The following FLYWCH1 variants were observed in gnomAD, a reference collection of about 807,000 sequenced individuals.
FLYWCH1 encodes the protein FLYWCH-type zinc finger-containing protein 1.
In FLYWCH1, 75 loss-of-function variants were observed where a neutral mutation model predicts 66.4. That is an observed-to-expected ratio of 1.13 (90% CI 0.94 to 1.37). The LOEUF is 1.37. Among genes scored for constraint, FLYWCH1 ranks in the 40% most tolerant of loss-of-function variants. The pLI, the probability that FLYWCH1 is intolerant of heterozygous loss-of-function variation, is 0.00. For missense variants in FLYWCH1, 1,334 were observed against 1,001.8 expected (o/e 1.33, Z -4.48); for synonymous variants, 595 against 429.9 (o/e 1.38, Z -4.75).
Position 2,940,038 on chromosome 16 carries a change from T to A in FLYWCH1, c.2057T>A (p.Ile686Asn), listed in dbSNP as rs1166365070. ...TTAQQEDPEK[I>N]QVQLCFKTCS... is the part of the protein sequence containing the mutation. Reference sequence around the variant, plus strand: ...TTCAATTATTTTTCCACAGAAAAGATTCAAGTTCAGCTGTGCTTCAAGACG... The same window carrying A: ...TTCAATTATTTTTCCACAGAAAAGAATCAAGTTCAGCTGTGCTTCAAGACG... Residue 686 changes from isoleucine (I) to asparagine (N), a missense_variant, in exon 9 of 10, where the codon ATT (isoleucine) becomes AAT (asparagine). By Grantham distance (149) the Ile-to-Asn change is moderately radical (BLOSUM62 -3). Coordinates refer to ENST00000253928, the MANE Select transcript of FLYWCH1 (RefSeq NM_001308068.2). 6.3e-7 allele frequency: 1 copy of A among 1,599,604 alleles called. No individual in the cohort carries two copies. Among genetic ancestry groups the A allele is most frequent in the African/African-American group, 1.3e-5 (1 of 74,788 alleles).
chr16:2,947,446 A>C (rs1405511550), intron 9 of FLYWCH1, among the ~76,000 whole-genome samples: 1 of 152,144 alleles, frequency 6.6e-6, no homozygotes, highest in Non-Finnish European at 1.5e-5. Context: ...TGTGAATTAT[A>C]GCTCAGTAGA....
intron 6 of FLYWCH1, chr16:2,936,201 G>A (rs966493245): frequency 4.1e-5 from 14 of 345,566 alleles, no homozygotes; most frequent in African/African-American, 1.3e-4. Context: ...GTGAGCCACC[G>A]TGCGCAGCCC....
At position 2,938,891 on chromosome 16, in the gene FLYWCH1, C is replaced by T. The variant is rs561141284; in HGVS notation, c.2050+435C>T. ...CCTCCCAAAGTGCTAGGATTACAGG[C>T]GTGAGTCACTGTGCCCAACCTTTTT... On this transcript the variant is annotated intron_variant, in intron 8 of 9. Transcript: ENST00000253928. Among the ~76,000 whole-genome samples the T allele has an allele frequency of 8.3e-4, 125 of 149,996 alleles. No homozygotes were observed. The Middle Eastern group carries it at 0.01, about 12-fold the overall frequency.
chr16:2,939,537 C>CTTGT (rs758092943), intron 8 of FLYWCH1, among the ~76,000 whole-genome samples: 1 of 78,060 alleles, frequency 1.3e-5, no homozygotes, highest in African/African-American at 4.9e-5. Context: ...ATGGTGAAAC[C>CTTGT]CTGTCTCTAA....
intron 9 of FLYWCH1, among the ~76,000 whole-genome samples, chr16:2,942,720 CTTTTT>C (rs34247000): frequency 3.3e-4 from 27 of 82,788 alleles, no homozygotes; most frequent in Non-Finnish European, 5.4e-4. Flanking sequence ...CATCTGGGAA[CTTTTT>C]TTTTTTTTTT....
chr16:2,944,258 A>G (rs568546139), intron 9 of FLYWCH1, among the ~76,000 whole-genome samples: 1 of 149,038 alleles, frequency 6.7e-6, no homozygotes, highest in African/African-American at 2.5e-5. Flanking sequence ...CTACAGGTAC[A>G]GCGCACCTGT....
chr16:2,915,857 A>G (rs1220389264), intron 2 of FLYWCH1, among the ~76,000 whole-genome samples: 1 of 152,172 alleles, frequency 6.6e-6, no homozygotes, highest in Non-Finnish European at 1.5e-5. Flanking sequence ...TAGATCAGGA[A>G]TATTGAAATG....
chr16:2,925,584 G>GGC (rs1555483238), intron 2 of FLYWCH1, among the ~76,000 whole-genome samples: 4 of 141,244 alleles, frequency 2.8e-5, no homozygotes, highest in Non-Finnish European at 6.3e-5. Context: ...CGGGGGGAGG[G>GGC]GGGTACGGGG....
intron 6 of FLYWCH1, chr16:2,936,527 C>T (rs115889397): frequency 8.8e-4 from 397 of 453,632 alleles, no homozygotes; most frequent in African/African-American, 7.0e-3. Flanking sequence ...GATGTGTCCA[C>T]GATGCCCCAG....
At chr16:2,925,004 C>G (rs1454994365) in intron 2 of FLYWCH1, among the ~76,000 whole-genome samples, 1 of 152,228 alleles carries the variant, frequency 6.6e-6, no homozygotes, top group African/African-American at 2.4e-5. Flanking sequence ...CCAAGCTTGA[C>G]GCAGTCCCCA....
In FLYWCH1 at chr16:2,933,149, G is replaced by T; in HGVS notation, c.816G>T (p.Glu272Asp). 6.2e-7 allele frequency: 1 copy of T among 1,613,608 alleles called. No individual in the cohort carries two copies. The highest frequency in any genetic ancestry group is 8.5e-7 in the Non-Finnish European group (1 of 1,179,800). The change falls in exon 5 of 10, where the codon GAG (glutamate) becomes GAT (aspartate). Residue 272 changes from glutamate to aspartate, a missense_variant. Coordinates refer to ENST00000253928, the MANE Select transcript of FLYWCH1 (RefSeq NM_001308068.2). ...CTCTAGGACAGGCCCGGCCCCTCGA[G>T]TTCCTGAGGACGTGCTACGGGGGCA... ...ILGLGQARPL[E>D]FLRTCYGGSF...
rs746049171 is a variant in FLYWCH1, at chr16:2,933,968, G to T, written c.1502G>T (p.Arg501Leu). Residue 501 changes from arginine to leucine, a missense_variant, in exon 6 of 10, where the codon CGG becomes CTG. Transcript: ENST00000253928. ...GAGAAACGCCCCAACACGGCGCAGC[G>T]GGGGAGCCCAGGTACCTGGGGGTGG... ...QREKRPNTAQ[R>L]GSPGGPEFLK... The T allele has an allele frequency of 6.5e-7, 1 of 1,537,744 alleles. No homozygotes were observed. The highest frequency in any genetic ancestry group is 2.4e-5 in the East Asian group (1 of 41,048).
At position 2,933,909 on chromosome 16, in the gene FLYWCH1, C is replaced by T. The variant is rs377331687; in HGVS notation, c.1443C>T (p.Pro481=). ...TCATGCGTGGTCACTGCCACCCGCCCGACCTGGGAGGCCTGGAGGCCCTGA... is the reference window on the plus strand; with the variant it reads ...TCATGCGTGGTCACTGCCACCCGCCTGACCTGGGAGGCCTGGAGGCCCTGA... ...VTVMRGHCHP[P]DLGGLEALRQ... The change falls in exon 6 of 10, where the codon CCC becomes CCT. Residue 481 remains proline (P), a synonymous_variant. Transcript: ENST00000253928. 652 of 1,577,374 alleles carry T rather than the reference C, an allele frequency of 4.1e-4. 1 individual carries two copies. The highest frequency in any genetic ancestry group is 8.8e-4 in the Middle Eastern group (5 of 5,678).
chr16:2,948,215 G>A (rs995971626), intron 9 of FLYWCH1, among the ~76,000 whole-genome samples: 3 of 152,044 alleles, frequency 2.0e-5, no homozygotes, highest in Non-Finnish European at 4.4e-5. Context: ...TGTGTGTCAC[G>A]AAGCAACCTC....
At position 2,950,226 on chromosome 16, in the gene FLYWCH1, C is replaced by G. The variant is rs764174377; in HGVS notation, c.*1499C>G. The G allele has an allele frequency of 2.6e-5, 4 of 152,348 alleles. No homozygotes were observed. The highest frequency in any genetic ancestry group is 5.9e-5 in the Non-Finnish European group (4 of 68,134). The allele number at this position is 152,348 out of a possible 1,614,324, so 9.4% of individuals were successfully genotyped here. A position where few individuals can be genotyped will look rare whatever the true frequency, so the allele number is the denominator to read the frequency against. On this transcript the variant is annotated 3_prime_UTR_variant, in exon 10 of 10. Transcript: ENST00000253928. ...TGCCTATGGCAGAGGACACACAACA[C>G]AGTGGCTGCGCTTTGGGCACTGTTC...
rs769653850 is a variant in FLYWCH1 at position 2,937,431 on chromosome 16, C to G, written c.1777+47C>G. The G allele has an allele frequency of 4.7e-6, 7 of 1,476,566 alleles. No individual in the cohort carries two copies. The African/African-American group carries it at 9.5e-5, about 20-fold the overall frequency. 91.5% of individuals were successfully genotyped at this position (1,476,566 alleles called of 1,614,324 possible). A position where few individuals can be genotyped will look rare whatever the true frequency, so the allele number is the denominator to read the frequency against. ...CTGGGTCTGCCTGGTCTCCCAGGAC[C>G]TGTGCCCCACACGCTGGCTGGAGGC... On this transcript the variant is annotated intron_variant, in intron 7 of 9. Coordinates refer to ENST00000253928, the MANE Select transcript of FLYWCH1 (RefSeq NM_001308068.2).
At chr16:2,940,114 T>C (rs535599085) in intron 9 of FLYWCH1, 22 bp downstream of exon 9, 2 of 1,081,286 alleles carry the variant, frequency 1.8e-6, no homozygotes, top group African/African-American at 1.5e-5. Context: ...TGTTATCTAA[T>C]GGTGCATGAC....
At chr16:2,935,361 G>A (rs1452405691) in intron 6 of FLYWCH1, 1 of 152,304 alleles carries the variant, frequency 6.6e-6, no homozygotes, top group African/African-American at 2.4e-5. Flanking sequence ...TGTGTGTCCA[G>A]GTCGACCCCA....
At chr16:2,920,064 G>C (rs181647622) in intron 2 of FLYWCH1, among the ~76,000 whole-genome samples, 1 of 152,096 alleles carries the variant, frequency 6.6e-6, no homozygotes, top group Non-Finnish European at 1.5e-5. Context: ...AATGGAAGTA[G>C]TTGTGCATTT....
Sources: allele counts gnomAD v4.1 joint callset (sites outside exome capture counted in the v4.1 genomes callset), GRCh38; gene constraint gnomAD v4.1.1; transcripts MANE v1.5; gene names NCBI Gene and HGNC (gene_info 2026-07-23, HGNC 2026-07-21).